The following MCPH1 variants were observed in gnomAD, a reference collection of about 807,000 sequenced individuals.
MCPH1 encodes microcephalin 1.
Under a neutral mutation model 84.5 loss-of-function variants are expected in MCPH1, and 104 were observed. That is an observed-to-expected ratio of 1.23 (90% CI 1.05 to 1.45). The LOEUF (loss-of-function observed/expected upper bound fraction) is 1.45, where lower values mean the gene tolerates loss of function less well. MCPH1 is among the 40% of genes most tolerant of loss of function. The pLI, the probability that MCPH1 is intolerant of heterozygous loss-of-function variation, is 0.00. For missense variants in MCPH1, 1,498 were observed against 1,005.7 expected (o/e 1.49, Z -6.62); for synonymous variants, 514 against 366.8 (o/e 1.40, Z -4.58).
chr8:6,472,160 G>T (rs898950552), intron 9 of MCPH1, among the ~76,000 whole-genome samples: 1 of 152,120 alleles, frequency 6.6e-6, no homozygotes, highest in African/African-American at 2.4e-5. Context: ...AAAATCTTCA[G>T]ATATAACAAA....
At chr8:6,512,630 A>T (rs976707658) in intron 12 of MCPH1, among the ~76,000 whole-genome samples, 1 of 152,106 alleles carries the variant, frequency 6.6e-6, no homozygotes, top group Non-Finnish European at 1.5e-5. Context: ...GAGTGCCTCT[A>T]TGTGCCTTGT....
At chr8:6,641,388 A>G (rs1409127297) in intron 13 of MCPH1, among the ~76,000 whole-genome samples, 1 of 152,218 alleles carries the variant, frequency 6.6e-6, no homozygotes, top group Non-Finnish European at 1.5e-5. Context: ...CAATAAGACA[A>G]AGTGTTGATA....
chr8:6,555,942 C>T (rs1403945436), intron 12 of MCPH1, among the ~76,000 whole-genome samples: 1 of 152,168 alleles, frequency 6.6e-6, no homozygotes, highest in Non-Finnish European at 1.5e-5. Flanking sequence ...GAAGGGCTGG[C>T]ATCTCACCTA....
intron 11 of MCPH1, chr8:6,494,516 C>T (rs557758220): frequency 4.6e-5 from 7 of 152,254 alleles, no homozygotes; most frequent in Admixed American, 1.3e-4. Context: ...AAATAAAGTA[C>T]TCAGTAAACA....
At chr8:6,632,744 G>A (rs1014085317) in intron 13 of MCPH1, among the ~76,000 whole-genome samples, 2 of 152,100 alleles carry the variant, frequency 1.3e-5, no homozygotes, top group African/African-American at 4.8e-5. Flanking sequence ...GGGAGAAAGA[G>A]GTTGCAGTGA....
chr8:6,580,812 G>C (rs1827511351), intron 12 of MCPH1, among the ~76,000 whole-genome samples: 1 of 152,184 alleles, frequency 6.6e-6, no homozygotes, highest in African/African-American at 2.4e-5. Context: ...CAAGTCTTCT[G>C]CTTCCTATTC....
At chr8:6,636,628 C>T (rs565617390) in intron 13 of MCPH1, among the ~76,000 whole-genome samples, 13 of 152,308 alleles carry the variant, frequency 8.5e-5, no homozygotes, top group African/African-American at 2.9e-4. Context: ...TACAGTCATG[C>T]TGTCGCACCT....
intron 12 of MCPH1, among the ~76,000 whole-genome samples, chr8:6,545,247 G>C (rs1323466753): frequency 1.3e-5 from 2 of 152,158 alleles, no homozygotes; most frequent in Non-Finnish European, 2.9e-5. Context: ...ATGTTTCCTA[G>C]ATCTTGACCT....
intron 13 of MCPH1, chr8:6,626,778 C>A: frequency 1.0e-6 from 1 of 985,222 alleles, no homozygotes; most frequent in Non-Finnish European, 1.2e-6. Flanking sequence ...CTGGCGCGGT[C>A]CTCAAGGGTC....
chr8:6,493,438 A>G (rs907112664), intron 11 of MCPH1, among the ~76,000 whole-genome samples: 4 of 152,238 alleles, frequency 2.6e-5, no homozygotes, highest in Non-Finnish European at 5.9e-5. Flanking sequence ...TTCAGTCTCT[A>G]TCGGTCAATG....
Position 6,505,210 on chromosome 8 carries a change from T to TATATATATATTCTTATGTATATATAGA in MCPH1, c.2214+5291_2214+5292insTCTTATGTATATATAGAATATATATAT, listed in dbSNP as rs1563304943. Among the ~76,000 whole-genome samples, 109 of 58,964 alleles carry TATATATATATTCTTATGTATATATAGA rather than the reference T, an allele frequency of 1.8e-3. 3 individuals are homozygous for TATATATATATTCTTATGTATATATAGA. Among genetic ancestry groups the TATATATATATTCTTATGTATATATAGA allele is most frequent in the East Asian group, 0.01 (9 of 886 alleles). The allele number at this position is 58,964 out of a possible 152,430, so 38.7% of individuals were successfully genotyped here. A position where few individuals can be genotyped will look rare whatever the true frequency, so the allele number is the denominator to read the frequency against. On this transcript the variant is annotated intron_variant, in intron 12 of 13. Coordinates refer to ENST00000344683, the MANE Select transcript of MCPH1 (RefSeq NM_024596.5). The stretch of plus-strand genomic sequence containing the variant: ...TATATATTCTTATGTATATATAGAA[T>TATATATATATTCTTATGTATATATAGA]ATATATATATATTCTTATGTATATA...
At chr8:6,434,392 G>C (rs1802337615) in intron 4 of MCPH1, among the ~76,000 whole-genome samples, 2 of 152,080 alleles carry the variant, frequency 1.3e-5, no homozygotes, top group Non-Finnish European at 2.9e-5. Context: ...AGCACAATCT[G>C]TCCCCAAACT....
intron 6 of MCPH1, among the ~76,000 whole-genome samples, chr8:6,440,139 A>C (rs937763156): frequency 1.3e-5 from 2 of 152,214 alleles, no homozygotes; most frequent in Non-Finnish European, 2.9e-5. Flanking sequence ...AGTAGTCTAC[A>C]GTTTTGATAT....
chr8:6,514,626 C>G (rs1169042838), intron 12 of MCPH1: 2 of 1,514,204 alleles, frequency 1.3e-6, no homozygotes, highest in African/African-American at 1.4e-5. Context: ...ATCTTGAAAG[C>G]TATTTTTCAC....
At chr8:6,487,495 T>A (rs1322831429) in intron 11 of MCPH1, among the ~76,000 whole-genome samples, 1 of 152,260 alleles carries the variant, frequency 6.6e-6, no homozygotes, top group African/African-American at 2.4e-5. Context: ...TGTTAGTTCA[T>A]CACCCTGCAT....
intron 11 of MCPH1, among the ~76,000 whole-genome samples, chr8:6,486,253 G>A (rs1235743059): frequency 7.0e-6 from 1 of 142,158 alleles, no homozygotes; most frequent in Admixed American, 7.5e-5. Context: ...TTGACTTTGT[G>A]TACAAGGAAT....
intron 11 of MCPH1, among the ~76,000 whole-genome samples, chr8:6,492,106 G>T (rs968825773): frequency 1.3e-5 from 2 of 152,200 alleles, no homozygotes; most frequent in Non-Finnish European, 2.9e-5. Context: ...ATGTAAAAGT[G>T]TTCCTATTTC....
chr8:6,631,666 A>C (rs894076788), intron 13 of MCPH1, among the ~76,000 whole-genome samples: 3 of 152,074 alleles, frequency 2.0e-5, no homozygotes, highest in South Asian at 2.1e-4. Flanking sequence ...AAAAAAAAAA[A>C]AACCCAGAAA....
chr8:6,555,716 G>A (rs990850442), intron 12 of MCPH1, among the ~76,000 whole-genome samples: 5 of 152,076 alleles, frequency 3.3e-5, no homozygotes, highest in African/African-American at 1.2e-4. Context: ...ACCCGCTTCG[G>A]CCTCCGAAAG....
Sources: gnomAD v4.1 joint callset for allele counts (sites outside exome capture counted in the v4.1 genomes callset) on GRCh38, gnomAD v4.1.1 for gene constraint, MANE v1.5 for transcripts, NCBI Gene and HGNC (gene_info 2026-07-23, HGNC 2026-07-21) for gene names.